SMIM7: variants seen among roughly 807,000 people sequenced by gnomAD.
SMIM7 encodes small integral membrane protein 7, also known as UPF0608 protein C19orf42.
A neutral mutation model predicts 13.3 loss-of-function variants in SMIM7; 12 were observed. That is an observed-to-expected ratio of 0.90 (90% CI 0.58 to 1.46). SMIM7 has a LOEUF of 1.46. Among genes scored for constraint, SMIM7 ranks in the 40% most tolerant of loss-of-function variants. The pLI, the probability that SMIM7 is intolerant of heterozygous loss-of-function variation, is 0.00. For missense variants in SMIM7, 114 were observed against 94.8 expected (o/e 1.20, Z -0.84); for synonymous variants, 36 against 35.8 (o/e 1.01, Z -0.02).
rs746873520 is a variant in SMIM7, at chr19:16,659,915, C to T, written c.68+44G>A. The T allele has an allele frequency of 5.0e-6, 8 of 1,584,200 alleles. No homozygotes were observed. The Admixed American group carries it at 1.1e-4, about 21-fold the overall frequency. On this transcript the variant is annotated intron_variant, in intron 2 of 4. Transcript: ENST00000487416. ...GATCACGCTTATGAGGGCGGGGCTACGGGTTCCCCGGATGGAGCCGCAGTC... is the reference window on the plus strand; with the variant it reads ...GATCACGCTTATGAGGGCGGGGCTATGGGTTCCCCGGATGGAGCCGCAGTC...
At chr19:16,653,103 T>A in intron 4 of SMIM7, 1 of 988,324 alleles carries the variant, frequency 1.0e-6, no homozygotes. Context: ...GCAGAAGAAC[T>A]GGTGAGACGT....
chr19:16,656,925 A>C (rs931468434), intron 3 of SMIM7, among the ~76,000 whole-genome samples: 4 of 152,052 alleles, frequency 2.6e-5, no homozygotes, highest in African/African-American at 9.6e-5. Context: ...AAAAAACAAA[A>C]AACAGGCTTT....
intron 4 of SMIM7, among the ~76,000 whole-genome samples, chr19:16,649,594 C>T (rs1011471396): frequency 1.3e-5 from 2 of 151,992 alleles, no homozygotes; most frequent in African/African-American, 2.4e-5. Context: ...AAATTATAAA[C>T]GTAGTGTGAT....
chr19:16,644,522 C>T (rs1191944758), downstream of SMIM7, among the ~76,000 whole-genome samples: 1 of 151,714 alleles, frequency 6.6e-6, no homozygotes, highest in African/African-American at 2.4e-5. Flanking sequence ...CTGCAACCTC[C>T]ACCTCCTGGG....
At chr19:16,645,500 T>A (rs1294665935), downstream of SMIM7, 1 of 152,006 alleles carries the variant, frequency 6.6e-6, no homozygotes, top group Non-Finnish European at 1.5e-5. Flanking sequence ...TTGGCTGAGA[T>A]TTGGCAAGGA....
At chr19:16,633,746 T>C (rs2086338797) in intron 4 of SMIM7, 1 of 152,116 alleles carries the variant, frequency 6.6e-6, no homozygotes, top group African/African-American at 2.4e-5. Context: ...AAAGCCACTA[T>C]TGATGGAGAA....
At chr19:16,652,912 T>G (rs1309966920) in intron 4 of SMIM7, 2 of 1,550,442 alleles carry the variant, frequency 1.3e-6, no homozygotes, top group African/African-American at 2.7e-5. Flanking sequence ...AGTATCAGAG[T>G]TATGGCCCCA....
At chr19:16,640,317 A>G (rs62116920) in intron 4 of SMIM7, 36,451 of 152,064 alleles carry the variant, frequency 0.24, 5,116 homozygotes, top group African/African-American at 0.38. Flanking sequence ...GATTACAGGC[A>G]TGAGCCTCCC....
At chr19:16,630,778 G>A (rs144210075) in exon 5 of SMIM7, 2 of 152,264 alleles carry the variant, frequency 1.3e-5, no homozygotes, top group African/African-American at 4.8e-5. Flanking sequence ...TTTAATGTAC[G>A]TAAAAGGGTG....
downstream of SMIM7, chr19:16,645,775 C>T (rs1346324192): frequency 6.6e-6 from 1 of 151,154 alleles, no homozygotes; most frequent in Admixed American, 6.6e-5. Flanking sequence ...AATTCTTGTG[C>T]CTCAGCCACC....
At chr19:16,653,827 C>G (rs1004545392) in intron 4 of SMIM7, 9 of 542,262 alleles carry the variant, frequency 1.7e-5, no homozygotes, top group Admixed American at 3.6e-5. Context: ...CCTAAGAGGC[C>G]GAGGTTGCAG....
downstream of SMIM7, chr19:16,645,649 CTTACT>C (rs1207734175): frequency 6.7e-6 from 1 of 148,928 alleles, no homozygotes; most frequent in Admixed American, 6.7e-5. Context: ...CAAAATTCCA[CTTACT>C]CAATTCTTTT....
At chr19:16,659,644 A>G (rs371641598) in intron 2 of SMIM7, 197 bp from the exon 3 acceptor site, 21 of 673,056 alleles carry the variant, frequency 3.1e-5, no homozygotes, top group South Asian at 2.1e-4. Flanking sequence ...GCAGCCACCG[A>G]CCGTTTACAA....
intron 4 of SMIM7, chr19:16,635,363 A>C (rs1404455355): frequency 1.1e-5 from 1 of 90,206 alleles, no homozygotes; most frequent in South Asian, 2.8e-4. Context: ...ACACCATCTC[A>C]AAAAAAAAAA....
downstream of SMIM7, among the ~76,000 whole-genome samples, chr19:16,643,695 C>A (rs1003800782): frequency 8.5e-5 from 13 of 152,112 alleles, no homozygotes; most frequent in African/African-American, 2.9e-4. Context: ...CCGTACCAGG[C>A]CTAAAAAATT....
At chr19:16,635,194 C>T (rs11883013) in intron 4 of SMIM7, 22,535 of 148,804 alleles carry the variant, frequency 0.15, 2,518 homozygotes, top group African/African-American at 0.32. Context: ...AAACCCCATC[C>T]CTCCTAAAAA....
intron 4 of SMIM7, among the ~76,000 whole-genome samples, chr19:16,649,034 A>C (rs1399144370): frequency 6.6e-6 from 1 of 152,010 alleles, no homozygotes; most frequent in Admixed American, 6.6e-5. Flanking sequence ...AACAAACAAA[A>C]AACTTTCATA....
At chr19:16,647,351 C>T in intron 4 of SMIM7, 90 bp from the exon 5 acceptor site, 1 of 1,452,958 alleles carries the variant, frequency 6.9e-7, no homozygotes, top group Non-Finnish European at 9.6e-7. Context: ...TGACTATTAC[C>T]TATTACTTAG....
At chr19:16,639,629 A>C (rs372213670) in intron 4 of SMIM7, among the ~76,000 whole-genome samples, 1 of 152,160 alleles carries the variant, frequency 6.6e-6, no homozygotes, top group Non-Finnish European at 1.5e-5. Flanking sequence ...TCCCCACCCA[A>C]ATCTCATCTT....
Sources: allele counts gnomAD v4.1 joint callset (sites outside exome capture counted in the v4.1 genomes callset), GRCh38; gene constraint gnomAD v4.1.1; transcripts MANE v1.5; gene names NCBI Gene and HGNC (gene_info 2026-07-23, HGNC 2026-07-21).